ECM2: variants seen among roughly 807,000 people sequenced by gnomAD.
The protein encoded by ECM2 is extracellular matrix protein 2, also known as extracellular matrix protein 2, female organ and adipocyte specific.
ECM2 carries 57 observed loss-of-function variants against 67.5 expected under a neutral mutation model. The ratio of observed to expected loss-of-function variants is 0.84; its 90% CI spans 0.68 to 1.05. The LOEUF (loss-of-function observed/expected upper bound fraction) is 1.05, where lower values mean the gene tolerates loss of function less well. Among genes scored for constraint, ECM2 ranks in the 50% least tolerant of loss-of-function variants. The probability of loss-of-function intolerance (pLI) is 0.00; values close to 1 mark genes in which losing one functional copy is unlikely to be tolerated. For missense variants in ECM2, 741 were observed against 822.8 expected (o/e 0.90, Z 1.22); for synonymous variants, 258 against 294.5 (o/e 0.88, Z 1.27).
chr9:92,493,889 CA>C (rs1846238928), downstream of ECM2: 1 of 405,400 alleles, frequency 2.5e-6, no homozygotes, highest in Non-Finnish European at 4.4e-6. Flanking sequence ...TGAGAAGCGA[CA>C]TACACAGCAA....
At position 92,522,546 on chromosome 9, in the gene ECM2, T is replaced by G. The variant is rs184137124; in HGVS notation, c.292+29A>C. On this transcript the variant is annotated intron_variant, in intron 2 of 9. Transcript: ENST00000344604. ...ACCATCTCTCACCCTCCTCCCTCTT[T>G]CTGTCTCTCTCTCATAGTGTTCTCT... The G allele has an allele frequency of 3.2e-6, 5 of 1,548,044 alleles. No homozygotes were observed. The African/African-American group carries it at 6.8e-5, about 21-fold the overall frequency.
chr9:92,516,761 G>A (rs1847749473), intron 3 of ECM2: 1 of 152,024 alleles, frequency 6.6e-6, no homozygotes, highest in Non-Finnish European at 1.5e-5. Flanking sequence ...CCATTTCATT[G>A]AACACTTTTT....
chr9:92,555,002 G>GTTT, the ECM2 span, among the ~76,000 whole-genome samples: 1 of 140,884 alleles, frequency 7.1e-6, no homozygotes, highest in Non-Finnish European at 1.5e-5. Context: ...GGTCTGTATT[G>GTTT]TTTGTTGTTG....
rs1022722375 is a variant in ECM2, at chr9:92,495,391, C to T, written c.*924G>A. ...AGACATAGCTTTATTTCAATTGAACCGAATAAAATGATGTATTTCAGTAAA... is the reference window on the plus strand; with the variant it reads ...AGACATAGCTTTATTTCAATTGAACTGAATAAAATGATGTATTTCAGTAAA... On this transcript the variant is annotated 3_prime_UTR_variant, in exon 10 of 10. Transcript: ENST00000344604. 9.0e-5 allele frequency: 89 copies of T among 983,526 alleles called. 1 individual carries two copies. Among genetic ancestry groups the T allele is most frequent in the South Asian group, 1.9e-4 (4 of 21,222 alleles). 60.9% of individuals were successfully genotyped at this position (983,526 alleles called of 1,614,324 possible).
chr9:92,519,539 G>A (rs1017995777), intron 2 of ECM2, among the ~76,000 whole-genome samples: 1 of 152,184 alleles, frequency 6.6e-6, no homozygotes, highest in African/African-American at 2.4e-5. Context: ...CAAGAAGGGT[G>A]TCAAGACCAT....
chr9:92,530,200 T>C (rs1848659103), intron 1 of ECM2, among the ~76,000 whole-genome samples: 1 of 152,160 alleles, frequency 6.6e-6, no homozygotes, highest in Non-Finnish European at 1.5e-5. Flanking sequence ...GACAGTACTA[T>C]AAAGGTGGGT....
rs969958319 is a variant in ECM2, at chr9:92,510,922, G to A, written c.1171-888C>T. Reference sequence around the variant, plus strand: ...TCTGCCAGACTCCAGATAAGAAACAGGAAATGAGAATAGAAGAGACCAGTG... The same window carrying A: ...TCTGCCAGACTCCAGATAAGAAACAAGAAATGAGAATAGAAGAGACCAGTG... On this transcript the variant is annotated intron_variant, in intron 5 of 9. Coordinates refer to ENST00000344604, the MANE Select transcript of ECM2 (RefSeq NM_001393.4). Among the ~76,000 whole-genome samples the A allele has an allele frequency of 2.0e-5, 3 of 152,138 alleles. No homozygotes were observed. The East Asian group carries it at 5.8e-4, about 29-fold the overall frequency.
At chr9:92,558,196 T>G in the ECM2 span, among the ~76,000 whole-genome samples, 7 of 152,326 alleles carry the variant, frequency 4.6e-5, 1 homozygote, top group African/African-American at 1.4e-4. Flanking sequence ...ATGTGATTTT[T>G]GGGGGATGCT....
At chr9:92,543,196 G>C in the ECM2 span, among the ~76,000 whole-genome samples, 1 of 152,194 alleles carries the variant, frequency 6.6e-6, no homozygotes, top group African/African-American at 2.4e-5. Flanking sequence ...ATTGGTGCCA[G>C]CCTCGTGGCT....
chr9:92,522,380 C>T (rs1848128855), intron 2 of ECM2, among the ~76,000 whole-genome samples, 195 bp downstream of exon 2: 1 of 152,096 alleles, frequency 6.6e-6, no homozygotes, highest in Non-Finnish European at 1.5e-5. Context: ...GCCACCGCGC[C>T]TGGCCCTATT....
Position 92,496,291 on chromosome 9 carries a change from T to A in ECM2, c.*24A>T. 1.3e-6 allele frequency: 2 copies of A among 1,561,026 alleles called. No individual in the cohort carries two copies. The highest frequency in any genetic ancestry group is 1.7e-6 in the Non-Finnish European group (2 of 1,162,014). On this transcript the variant is annotated 3_prime_UTR_variant, in exon 10 of 10. Coordinates refer to ENST00000344604, the MANE Select transcript of ECM2 (RefSeq NM_001393.4). ...ACTACAAATACATGAGTAAAGTTTA[T>A]AAACAGCAAAGGAAAACTTGGAATT...
chr9:92,530,314 T>G (rs970122743), intron 1 of ECM2, among the ~76,000 whole-genome samples: 7 of 152,174 alleles, frequency 4.6e-5, no homozygotes, highest in African/African-American at 1.2e-4. Flanking sequence ...CAGCATAGAT[T>G]TATCCATGGT....
At chr9:92,548,596 CA>C in the ECM2 span, among the ~76,000 whole-genome samples, 3 of 151,918 alleles carry the variant, frequency 2.0e-5, no homozygotes, top group Non-Finnish European at 4.4e-5. Context: ...TGTCTTTATA[CA>C]GTGAGATAAT....
rs1405232270 is a variant in ECM2, at chr9:92,495,433, A to G, written c.*882T>C. 2.0e-6 allele frequency: 2 copies of G among 985,208 alleles called. No individual in the cohort carries two copies. Among genetic ancestry groups the G allele is most frequent in the Non-Finnish European group, 2.4e-6 (2 of 829,822 alleles). The allele number at this position is 985,208 out of a possible 1,614,324, so 61.0% of individuals were successfully genotyped here. ...TTCAGTAAATTAAGGCAAAGGAGAT[A>G]GATGCTATGACCAGTGGTGCAAAAT... On this transcript the variant is annotated 3_prime_UTR_variant, in exon 10 of 10. Transcript: ENST00000344604.
the ECM2 span, among the ~76,000 whole-genome samples, chr9:92,546,955 A>T: frequency 1.1e-3 from 166 of 152,284 alleles, no homozygotes; most frequent in Middle Eastern, 3.4e-3. Flanking sequence ...CAGCATAACT[A>T]TATTACAAAC....
At chr9:92,540,770 CAA>C (rs34768785), upstream of ECM2, among the ~76,000 whole-genome samples, 436 of 142,078 alleles carry the variant, frequency 3.1e-3, 2 homozygotes, top group African/African-American at 0.01. Flanking sequence ...GACTCTGTCT[CAA>C]AAAAAAAAAA....
At chr9:92,531,161 A>G (rs1324068729) in intron 1 of ECM2, among the ~76,000 whole-genome samples, 9 of 151,638 alleles carry the variant, frequency 5.9e-5, no homozygotes, top group Non-Finnish European at 1.0e-4. Context: ...TATACTTTCT[A>G]TTTGCTTTTT....
At chr9:92,512,177 T>C (rs1016387145) in intron 4 of ECM2, 51 bp from the exon 5 acceptor site, 2 of 1,248,610 alleles carry the variant, frequency 1.6e-6, no homozygotes, top group African/African-American at 1.5e-5. Context: ...TACATACATG[T>C]ACACACATGT....
chr9:92,519,134 C>G (rs1847908965), intron 2 of ECM2, among the ~76,000 whole-genome samples: 2 of 152,156 alleles, frequency 1.3e-5, no homozygotes, highest in South Asian at 4.1e-4. Flanking sequence ...CTTTCCCCGA[C>G]CACTAACTCA....
Sources: gnomAD v4.1 joint callset for allele counts (sites outside exome capture counted in the v4.1 genomes callset) on GRCh38, gnomAD v4.1.1 for gene constraint, MANE v1.5 for transcripts, NCBI Gene and HGNC (gene_info 2026-07-23, HGNC 2026-07-21) for gene names.